Variants in DOCK2 observed in about 807,000 individuals in gnomAD.
The protein encoded by DOCK2 is dedicator of cytokinesis 2.
In DOCK2, 87 loss-of-function variants were observed where a neutral mutation model predicts 248.9. The ratio of observed to expected loss-of-function variants is 0.35; its 90% CI spans 0.29 to 0.42. The LOEUF is 0.42. DOCK2 is among the 10% of genes least tolerant of loss of function. The pLI is 1.00. For missense variants in DOCK2, 1,747 were observed against 2,300.2 expected, an observed-to-expected ratio of 0.76 and a Z score of 4.92; for synonymous variants, 805 against 821.6, an observed-to-expected ratio of 0.98 and a Z score of 0.35.
chr5:169,859,340 G>A (rs372630694), intron 27 of DOCK2, among the ~76,000 whole-genome samples: 30 of 152,280 alleles, frequency 2.0e-4, no homozygotes, highest in African/African-American at 7.2e-4. Flanking sequence ...AAAGAAGATG[G>A]GGAGGAAGTT....
intron 27 of DOCK2, among the ~76,000 whole-genome samples, chr5:169,946,721 G>C (rs1776465580): frequency 6.6e-6 from 1 of 152,168 alleles, no homozygotes. Context: ...AAACCTAATA[G>C]AAAAATAATT....
chr5:170,039,498 G>T (rs1264496600), intron 36 of DOCK2, among the ~76,000 whole-genome samples: 1 of 152,200 alleles, frequency 6.6e-6, no homozygotes, highest in Non-Finnish European at 1.5e-5. Flanking sequence ...TGGATGCCCG[G>T]TACAGCTTTG....
chr5:169,783,842 C>T (rs1455496291), intron 25 of DOCK2, among the ~76,000 whole-genome samples: 1 of 152,176 alleles, frequency 6.6e-6, no homozygotes, highest in Non-Finnish European at 1.5e-5. Context: ...AATAAGCAAG[C>T]TTGCAGATAC....
chr5:169,708,237 C>T lies in DOCK2; in HGVS notation c.1452C>T (p.Val484=). Residue 484 remains valine (V), a synonymous_variant, in exon 15 of 52, where the codon GTC becomes GTT. Coordinates refer to ENST00000520908, the MANE Select transcript of DOCK2 (RefSeq NM_004946.3). ...ATCGCTCCGTTGTGTACTATCAAGT[C>T]AAACAGCCACGCTGGATGGAAACAG... is the stretch of plus-strand genomic sequence containing the variant. ...NEYRSVVYYQ[V]KQPRWMETVK... 1 of 1,613,900 alleles carries T rather than the reference C, an allele frequency of 6.2e-7. No individual in the cohort carries two copies. Among genetic ancestry groups the T allele is most frequent in the Non-Finnish European group, 8.5e-7 (1 of 1,179,930 alleles).
At chr5:169,782,503 T>C (rs958307474) in intron 25 of DOCK2, among the ~76,000 whole-genome samples, 1 of 129,972 alleles carries the variant, frequency 7.7e-6, no homozygotes, top group African/African-American at 3.1e-5. Context: ...CTCCTTAGTT[T>C]TTTTTTTTTT....
intron 2 of DOCK2, among the ~76,000 whole-genome samples, chr5:169,659,233 C>T (rs1038473054): frequency 6.6e-6 from 1 of 152,048 alleles, no homozygotes; most frequent in Non-Finnish European, 1.5e-5. Context: ...AAGTTATTCC[C>T]TGCTTCTGCT....
chr5:170,068,004 G>A (rs1319547292), intron 45 of DOCK2, among the ~76,000 whole-genome samples: 1 of 152,172 alleles, frequency 6.6e-6, no homozygotes, highest in Non-Finnish European at 1.5e-5. Context: ...ATGAGTGTGA[G>A]CCAGACCATA....
chr5:169,749,894 G>T (rs961252914), intron 23 of DOCK2, among the ~76,000 whole-genome samples: 1 of 152,212 alleles, frequency 6.6e-6, no homozygotes. Flanking sequence ...GCAGGGGACA[G>T]CATGAGGAGA....
chr5:169,883,408 A>C, intron 27 of DOCK2: 5 of 1,551,564 alleles, frequency 3.2e-6, no homozygotes, highest in Non-Finnish European at 4.4e-6. Context: ...GGACACCTTG[A>C]CCCTTCGAGG....
intron 27 of DOCK2, among the ~76,000 whole-genome samples, chr5:169,937,182 T>A (rs1311516439): frequency 6.6e-6 from 1 of 152,236 alleles, no homozygotes; most frequent in Non-Finnish European, 1.5e-5. Context: ...CAGAGCTGCT[T>A]TCAAACCACC....
At chr5:169,994,410 T>C (rs764264712) in intron 29 of DOCK2, among the ~76,000 whole-genome samples, 1 of 152,138 alleles carries the variant, frequency 6.6e-6, no homozygotes, top group Non-Finnish European at 1.5e-5. Flanking sequence ...GGGGTACACA[T>C]GGGTGCAGCA....
At chr5:169,709,646 G>A (rs1400676018) in intron 15 of DOCK2, among the ~76,000 whole-genome samples, 1 of 152,148 alleles carries the variant, frequency 6.6e-6, no homozygotes, top group Non-Finnish European at 1.5e-5. Context: ...ACTTGAACCT[G>A]GGAGGCGGAG....
intron 29 of DOCK2, among the ~76,000 whole-genome samples, chr5:169,994,532 G>C (rs1778287458): frequency 6.6e-6 from 1 of 152,132 alleles, no homozygotes. Flanking sequence ...TCAGAGAATG[G>C]GGGTGGTCTC....
At chr5:169,728,716 C>A (rs969774325) in intron 22 of DOCK2, among the ~76,000 whole-genome samples, 14 of 152,172 alleles carry the variant, frequency 9.2e-5, no homozygotes, top group African/African-American at 3.1e-4. Context: ...TTGATTTCCT[C>A]TTATCTGTTT....
chr5:169,777,942 C>G (rs990789872), intron 25 of DOCK2, among the ~76,000 whole-genome samples: 2 of 152,180 alleles, frequency 1.3e-5, no homozygotes, highest in Non-Finnish European at 2.9e-5. Context: ...TGAATTCATC[C>G]CTCCGTCTTC....
intron 30 of DOCK2, among the ~76,000 whole-genome samples, chr5:170,006,853 G>C (rs923466476): frequency 6.6e-6 from 1 of 152,142 alleles, no homozygotes; most frequent in East Asian, 1.9e-4. Flanking sequence ...AAAGAACCCC[G>C]AATGTCAATC....
At chr5:169,906,903 T>A (rs261043) in intron 27 of DOCK2, among the ~76,000 whole-genome samples, 60,114 of 152,046 alleles carry the variant, frequency 0.4, 12,524 homozygotes, top group East Asian at 0.54. Context: ...CTGATGGTGC[T>A]GAGAAAGCAA....
chr5:169,897,268 T>C (rs1435432351), intron 27 of DOCK2, among the ~76,000 whole-genome samples: 1 of 152,084 alleles, frequency 6.6e-6, no homozygotes, highest in Non-Finnish European at 1.5e-5. Flanking sequence ...CACTGCACCT[T>C]CCACCTCCTG....
At chr5:169,800,944 C>CTTTTTTTTTTTTTTTTTTTTT (rs60140740) in intron 25 of DOCK2, among the ~76,000 whole-genome samples, 39 of 53,198 alleles carry the variant, frequency 7.3e-4, no homozygotes, top group South Asian at 1.5e-3. Flanking sequence ...TTCTTTCTTT[C>CTTTTTTTTTTTTTTTTTTTTT]TTTTTTTTTT....
Sources: gnomAD v4.1 joint callset for allele counts (sites outside exome capture counted in the v4.1 genomes callset) on GRCh38, gnomAD v4.1.1 for gene constraint, MANE v1.5 for transcripts, NCBI Gene and HGNC (gene_info 2026-07-23, HGNC 2026-07-21) for gene names.